RFFL: variants seen among roughly 807,000 people sequenced by gnomAD.
RFFL encodes ring finger and FYVE like domain containing E3 ubiquitin protein ligase.
A neutral mutation model predicts 40.4 loss-of-function variants in RFFL; 16 were observed. The observed-to-expected ratio is 0.40, with a 90% CI of 0.27 to 0.60. The LOEUF (loss-of-function observed/expected upper bound fraction) is 0.60, where lower values mean the gene tolerates loss of function less well. RFFL is among the 20% of genes least tolerant of loss of function. The pLI, the probability that RFFL is intolerant of heterozygous loss-of-function variation, is 0.47. For missense variants in RFFL, 367 were observed against 451.7 expected (o/e 0.81, Z 1.70); for synonymous variants, 154 against 167.9 (o/e 0.92, Z 0.64).
At chr17:35,039,616 C>T (rs1168895877) in intron 1 of RFFL, among the ~76,000 whole-genome samples, 1 of 151,972 alleles carries the variant, frequency 6.6e-6, no homozygotes, top group Non-Finnish European at 1.5e-5. Flanking sequence ...CACATTCTCC[C>T]CCTCCCCAGT....
intron 1 of RFFL, among the ~76,000 whole-genome samples, chr17:35,087,817 T>A (rs2091438436): frequency 6.6e-6 from 1 of 152,204 alleles, no homozygotes; most frequent in South Asian, 2.1e-4. Context: ...TCGGAAACCT[T>A]TGCCATCATC....
rs2090915016 is a variant in RFFL, at chr17:35,008,754, C to T, written c.*3214G>A. On this transcript the variant is annotated 3_prime_UTR_variant, in exon 7 of 7. Coordinates refer to ENST00000394597, the MANE Select transcript of RFFL (RefSeq NM_001017368.2). ...TCACACCATTCTCCTGCCTCAGCCT[C>T]CCGAGTAGCTGGGACTACAGGCACC... The T allele has an allele frequency of 1.3e-5, 2 of 152,300 alleles. No homozygotes were observed. Among genetic ancestry groups the T allele is most frequent in the South Asian group, 4.1e-4 (2 of 4,822 alleles). The allele number at this position is 152,300 out of a possible 1,614,324, so 9.4% of individuals were successfully genotyped here. A position where few individuals can be genotyped will look rare whatever the true frequency, so the allele number is the denominator to read the frequency against.
At chr17:35,052,798 G>A (rs528185666) in intron 1 of RFFL, among the ~76,000 whole-genome samples, 1 of 152,140 alleles carries the variant, frequency 6.6e-6, no homozygotes, top group Non-Finnish European at 1.5e-5. Flanking sequence ...AGATAGGTAG[G>A]TACACAAACA....
At chr17:35,058,226 C>A (rs2091271493) in intron 1 of RFFL, among the ~76,000 whole-genome samples, 1 of 152,010 alleles carries the variant, frequency 6.6e-6, no homozygotes, top group East Asian at 1.9e-4. Flanking sequence ...CTATCCCCCC[C>A]CACCATACTC....
chr17:35,021,962 C>T (rs2091011831), intron 2 of RFFL, among the ~76,000 whole-genome samples, 181 bp from the exon 3 acceptor site: 2 of 152,318 alleles, frequency 1.3e-5, no homozygotes, highest in African/African-American at 4.8e-5. Context: ...AAAAGCCACT[C>T]GGGTGGAAGA....
intron 1 of RFFL, among the ~76,000 whole-genome samples, chr17:35,028,372 C>T (rs1443518351): frequency 6.6e-6 from 1 of 151,930 alleles, no homozygotes; most frequent in Non-Finnish European, 1.5e-5. Flanking sequence ...GTTTATTACT[C>T]CCATAGTACA....
chr17:35,019,864 G>C (rs975416498), intron 3 of RFFL, among the ~76,000 whole-genome samples: 16 of 152,302 alleles, frequency 1.1e-4, no homozygotes, highest in Non-Finnish European at 1.9e-4. Flanking sequence ...AGGCCAAAAA[G>C]GGAGTTAAAT....
rs182799665 is a variant in RFFL at position 35,031,070 on chromosome 17, G to C, written c.-8-4509C>G. 4.6e-5 allele frequency among the ~76,000 whole-genome samples: 7 copies of C among 152,104 alleles called. No individual in the cohort carries two copies. The East Asian group carries it at 1.2e-3, about 25-fold the overall frequency. On this transcript the variant is annotated intron_variant, in intron 1 of 6. Coordinates refer to ENST00000394597, the MANE Select transcript of RFFL (RefSeq NM_001017368.2). ...CACAACAATTACCATCTGGCTTTCT[G>C]GGCTTGTCCCCTGCAAAGAGGACAA...
At chr17:35,053,066 C>T (rs752159668) in intron 1 of RFFL, among the ~76,000 whole-genome samples, 3 of 152,148 alleles carry the variant, frequency 2.0e-5, no homozygotes, top group Non-Finnish European at 4.4e-5. Flanking sequence ...GATAGGTGGA[C>T]TGGAGCCAGA....
intron 1 of RFFL, among the ~76,000 whole-genome samples, chr17:35,062,255 T>C (rs967187234): frequency 1.3e-5 from 2 of 151,654 alleles, no homozygotes; most frequent in African/African-American, 4.8e-5. Flanking sequence ...ATACAAAAAT[T>C]AGCTGGGCGT....
In RFFL at chr17:35,016,546, C is replaced by G. The variant is rs756154458; in HGVS notation, c.710G>C (p.Arg237Pro). The change falls in exon 5 of 7, where the codon CGA (arginine) becomes CCA (proline). Residue 237 changes from arginine (R) to proline (P), a missense_variant. Physicochemically the swap from Arg to Pro is moderately radical, Grantham distance 103. Transcript: ENST00000394597. ...AGTCAGGTCAGACAGAGAGGCCCTT[C>G]GGCCTGGGACAAAGCTGTCCTCTGA... is the stretch of plus-strand genomic sequence containing the variant. ...IDSEDSFVPG[R>P]RASLSDLTDL... 6.2e-7 allele frequency: 1 copy of G among 1,614,124 alleles called. No homozygotes were observed. Among genetic ancestry groups the G allele is most frequent in the Non-Finnish European group, 8.5e-7 (1 of 1,180,000 alleles).
At chr17:35,049,940 G>A (rs199724455) in intron 1 of RFFL, among the ~76,000 whole-genome samples, 6 of 152,172 alleles carry the variant, frequency 3.9e-5, no homozygotes, top group Non-Finnish European at 8.8e-5. Context: ...AAATTAGCCA[G>A]GCATGGTGGT....
intron 1 of RFFL, among the ~76,000 whole-genome samples, chr17:35,032,088 C>G (rs1268208273): frequency 1.4e-5 from 2 of 138,646 alleles, no homozygotes; most frequent in Non-Finnish European, 3.0e-5. Flanking sequence ...GAGCGAGACT[C>G]CGTCTCAAAA....
chr17:35,085,303 T>G (rs940306820), intron 1 of RFFL, among the ~76,000 whole-genome samples: 1 of 152,234 alleles, frequency 6.6e-6, no homozygotes, highest in Non-Finnish European at 1.5e-5. Context: ...CAGTCACTAG[T>G]CACTGTACTA....
intron 2 of RFFL, among the ~76,000 whole-genome samples, chr17:35,022,040 C>A (rs2091012337): frequency 6.6e-6 from 1 of 152,202 alleles, no homozygotes; most frequent in Admixed American, 6.5e-5. Context: ...TTGAGGCTTA[C>A]TTTATTTACT....
At chr17:35,078,841 G>A (rs1331869795) in intron 1 of RFFL, among the ~76,000 whole-genome samples, 2 of 152,024 alleles carry the variant, frequency 1.3e-5, no homozygotes, top group African/African-American at 2.4e-5. Context: ...TTAGCTGGAT[G>A]TGGTGGCACA....
Position 35,069,566 on chromosome 17 carries a change from T to A in RFFL, c.-9+19539A>T, listed in dbSNP as rs537806758. Reference sequence around the variant, plus strand: ...CAGTAGTACTTAGGAAAACACTCCATCTGACTAAGCAGCTGATGAGTAGAC... The same window carrying A: ...CAGTAGTACTTAGGAAAACACTCCAACTGACTAAGCAGCTGATGAGTAGAC... On this transcript the variant is annotated intron_variant, in intron 1 of 6. Coordinates refer to the RFFL transcript ENST00000315249. 240 of 301,888 alleles carry A rather than the reference T, an allele frequency of 7.9e-4. 2 individuals are homozygous for A. Among genetic ancestry groups the A allele is most frequent in the South Asian group, 7.4e-4 (25 of 33,816 alleles). 18.7% of individuals were successfully genotyped at this position (301,888 alleles called of 1,614,324 possible).
Position 35,021,474 on chromosome 17 carries a change from G to A in RFFL, c.488C>T (p.Thr163Ile). 1 of 1,579,846 alleles carries A rather than the reference G, an allele frequency of 6.3e-7. No individual in the cohort carries two copies. Among genetic ancestry groups the A allele is most frequent in the African/African-American group, 1.3e-5 (1 of 74,238 alleles). Residue 163 changes from threonine (T) to isoleucine (I), a missense_variant, in exon 3 of 7, where the codon ACC becomes ATC. Physicochemically the swap from Thr to Ile is moderately conservative, Grantham distance 89. Transcript: ENST00000394597. ...PDFPEQQAFLTQPHSSMVPPT... is the reference protein window; with the variant it reads ...PDFPEQQAFLIQPHSSMVPPT... The stretch of plus-strand genomic sequence containing the variant: ...TGGAACCATGCTGGAGTGAGGCTGG[G>A]TCAGGAAGGCCTGCTGCTCAGGAAA...
At chr17:35,026,689 G>T in intron 1 of RFFL, 128 bp from the exon 2 acceptor site, 1 of 706,372 alleles carries the variant, frequency 1.4e-6, no homozygotes, top group Non-Finnish European at 2.3e-6. Flanking sequence ...AGGGGAGGAT[G>T]TGTTTTCAAA....
Sources: gnomAD v4.1 joint callset for allele counts (sites outside exome capture counted in the v4.1 genomes callset) on GRCh38, gnomAD v4.1.1 for gene constraint, MANE v1.5 for transcripts, NCBI Gene and HGNC (gene_info 2026-07-23, HGNC 2026-07-21) for gene names.